The following CCDC7 variants were observed in gnomAD, a reference collection of about 807,000 sequenced individuals.
The protein encoded by CCDC7 is coiled-coil domain containing 7.
In CCDC7, 183 loss-of-function variants were observed where a neutral mutation model predicts 196.9. The ratio of observed to expected loss-of-function variants is 0.93; its 90% CI spans 0.82 to 1.05. The LOEUF (loss-of-function observed/expected upper bound fraction) is 1.05, where lower values mean the gene tolerates loss of function less well. CCDC7 is among the 50% of genes least tolerant of loss of function. The pLI is 0.00. For synonymous variants in CCDC7, 525 were observed against 484.6 expected (o/e 1.08, Z -1.10); for missense variants, 1,540 against 1,482.2 (o/e 1.04, Z -0.64).
chr10:32,811,867 C>G (rs1423104858), intron 30 of CCDC7, among the ~76,000 whole-genome samples: 1 of 152,068 alleles, frequency 6.6e-6, no homozygotes, highest in Non-Finnish European at 1.5e-5. Flanking sequence ...GAAGATAATG[C>G]ACTGTGATCA....
intron 28 of CCDC7, among the ~76,000 whole-genome samples, chr10:32,740,080 C>A (rs866642694): frequency 5.4e-4 from 82 of 152,230 alleles, no homozygotes; most frequent in African/African-American, 1.6e-3. Flanking sequence ...CTATGTTTTT[C>A]TCCCCAACAT....
At chr10:32,721,589 C>T (rs1257714756) in intron 25 of CCDC7, among the ~76,000 whole-genome samples, 3 of 152,036 alleles carry the variant, frequency 2.0e-5, no homozygotes, top group Non-Finnish European at 4.4e-5. Context: ...TGAATAGTCC[C>T]AATAGTCCCT....
intron 29 of CCDC7, among the ~76,000 whole-genome samples, chr10:32,792,901 AAGGT>A (rs2082943359): frequency 6.6e-6 from 1 of 152,210 alleles, no homozygotes; most frequent in Non-Finnish European, 1.5e-5. Context: ...TTAAATCACA[AAGGT>A]AGGCAGCAAA....
chr10:32,664,005 A>G (rs2072097138), intron 20 of CCDC7, 49 bp from the exon 22 acceptor site: 1 of 392,214 alleles, frequency 2.5e-6, no homozygotes, highest in Non-Finnish European at 4.5e-6. Context: ...AAATCTAGAA[A>G]TTTCACTATA....
intron 13 of CCDC7, among the ~76,000 whole-genome samples, chr10:32,565,092 G>A (rs1412299446): frequency 6.6e-6 from 1 of 152,202 alleles, no homozygotes; most frequent in Non-Finnish European, 1.5e-5. Context: ...CATTTGTCTA[G>A]TGGGAACTCA....
chr10:32,583,059 G>C, exon 17 of CCDC7: 1 of 1,231,368 alleles, frequency 8.1e-7, no homozygotes, highest in Non-Finnish European at 1.0e-6. Context: ...ATCTAGCCCT[G>C]CTATTTCAGA....
chr10:32,492,990 T>C (rs1194269665), intron 9 of CCDC7, among the ~76,000 whole-genome samples: 1 of 152,162 alleles, frequency 6.6e-6, no homozygotes, highest in Non-Finnish European at 1.5e-5. Context: ...TGGTATAAAA[T>C]GTGATGTTTT....
chr10:32,510,405 T>C (rs1164764717), intron 9 of CCDC7, among the ~76,000 whole-genome samples: 2 of 152,088 alleles, frequency 1.3e-5, no homozygotes, highest in Non-Finnish European at 2.9e-5. Context: ...ATACTTAAAA[T>C]TTTCTAAGAG....
At chr10:32,804,711 A>G (rs993885557) in intron 29 of CCDC7, among the ~76,000 whole-genome samples, 1 of 152,126 alleles carries the variant, frequency 6.6e-6, no homozygotes, top group Non-Finnish European at 1.5e-5. Context: ...CGTTACAGAT[A>G]AGCACTGTTC....
intron 21 of CCDC7, among the ~76,000 whole-genome samples, chr10:32,679,652 T>C (rs2075562957): frequency 6.6e-6 from 1 of 152,186 alleles, no homozygotes; most frequent in Admixed American, 6.5e-5. Flanking sequence ...GGGTACTAGG[T>C]ACTTGTACTT....
At chr10:32,511,254 T>TGGG (rs1167793491) in intron 9 of CCDC7, 91 of 593,838 alleles carry the variant, frequency 1.5e-4, no homozygotes, top group East Asian at 6.9e-4. Flanking sequence ...AATTATTCTG[T>TGGG]GGGGGGCGGG....
intron 40 of CCDC7, 97 bp from the exon 42 acceptor site, chr10:32,854,303 A>G: frequency 2.8e-6 from 2 of 704,726 alleles, no homozygotes; most frequent in Non-Finnish European, 4.6e-6. Flanking sequence ...TTGTAAGGAA[A>G]CTGTGTTTTA....
intron 9 of CCDC7, 74 bp from the exon 11 acceptor site, chr10:32,517,868 AAAG>A (rs2047284824): frequency 1.3e-6 from 2 of 1,520,980 alleles, no homozygotes; most frequent in East Asian, 2.4e-5. Context: ...AAAGAAAAAA[AAAG>A]AAAATGTGTG....
chr10:32,501,914 G>GTTTA (rs1326517998), intron 9 of CCDC7, among the ~76,000 whole-genome samples: 1 of 152,234 alleles, frequency 6.6e-6, no homozygotes, highest in Non-Finnish European at 1.5e-5. Flanking sequence ...AGGCAGGGAT[G>GTTTA]TTTAAGTCTG....
At chr10:32,673,806 A>G (rs1168754380) in intron 21 of CCDC7, among the ~76,000 whole-genome samples, 3 of 151,740 alleles carry the variant, frequency 2.0e-5, no homozygotes, top group Non-Finnish European at 4.4e-5. Flanking sequence ...GACCTTTTCA[A>G]GTTTTCCATT....
intron 28 of CCDC7, among the ~76,000 whole-genome samples, chr10:32,752,753 G>T (rs1050314047): frequency 2.6e-5 from 4 of 152,218 alleles, no homozygotes; most frequent in Admixed American, 2.0e-4. Flanking sequence ...TTACATATCT[G>T]TACCCATAAG....
intron 29 of CCDC7, among the ~76,000 whole-genome samples, chr10:32,779,476 A>G (rs1379191127): frequency 7.2e-5 from 11 of 152,258 alleles, no homozygotes; most frequent in Non-Finnish European, 1.6e-4. Context: ...CCATATAGGC[A>G]ATATGGCTGC....
At chr10:32,769,017 C>T (rs1180645472) in intron 28 of CCDC7, among the ~76,000 whole-genome samples, 4 of 151,962 alleles carry the variant, frequency 2.6e-5, no homozygotes, top group Admixed American at 6.6e-5. Context: ...AGGGTGGCTT[C>T]GTATAATGAA....
At chr10:32,487,312 C>T (rs2041312765) in intron 8 of CCDC7, among the ~76,000 whole-genome samples, 1 of 152,138 alleles carries the variant, frequency 6.6e-6, no homozygotes. Context: ...TCATGTAGTT[C>T]TCGTGCCTTA....
Sources: gnomAD v4.1 joint callset for allele counts (sites outside exome capture counted in the v4.1 genomes callset) on GRCh38, gnomAD v4.1.1 for gene constraint, MANE v1.5 for transcripts, NCBI Gene and HGNC (gene_info 2026-07-23, HGNC 2026-07-21) for gene names.